Variants in MAMDC2 observed in about 807,000 individuals in gnomAD.
MAMDC2 encodes MAM domain containing 2.
In MAMDC2, 57 loss-of-function variants were observed where a neutral mutation model predicts 89.8. The ratio of observed to expected loss-of-function variants is 0.63; its 90% CI spans 0.51 to 0.79. MAMDC2 has a LOEUF of 0.79. Ranked by LOEUF, MAMDC2 falls within the 30% of genes least tolerant of loss-of-function variation. MAMDC2 has a pLI of 0.00. For synonymous variants in MAMDC2, 313 were observed against 293.4 expected (o/e 1.07, Z -0.68); for missense variants, 800 against 820.6 (o/e 0.97, Z 0.31).
At chr9:70,065,151 T>C (rs1381393907) in intron 2 of MAMDC2, among the ~76,000 whole-genome samples, 1 of 152,136 alleles carries the variant, frequency 6.6e-6, no homozygotes, top group East Asian at 1.9e-4. Context: ...CCAAAAACCA[T>C]GTGTATCGGT....
rs773687494 is a variant in MAMDC2, at chr9:70,221,818, GGAA to G, written c.1911+3230_1911+3232del. On this transcript the variant is annotated intron_variant, in intron 12 of 13. Transcript: ENST00000377182. ...ATTAAGAAGAGGAAGGAAAATAAGA[GGAA>G]GAAGAAGTCAAGTTGATCAAGTGGT... 1.6e-4 allele frequency among the ~76,000 whole-genome samples: 25 copies of G among 151,982 alleles called. No individual in the cohort carries two copies. In the East Asian group the frequency reaches 3.7e-3, roughly 22 times the overall value.
At chr9:70,198,279 A>G (rs778982987) in intron 11 of MAMDC2, among the ~76,000 whole-genome samples, 2 of 151,820 alleles carry the variant, frequency 1.3e-5, no homozygotes, top group Non-Finnish European at 2.9e-5. Flanking sequence ...ACAGTTTGGT[A>G]CTATCCACAA....
intron 11 of MAMDC2, among the ~76,000 whole-genome samples, chr9:70,208,086 TTTGGCTTAGGATTGCG>T (rs1385025751): frequency 1.3e-5 from 2 of 152,202 alleles, no homozygotes; most frequent in African/African-American, 4.8e-5. Flanking sequence ...GCTTTGTTCT[TTTGGCTTAGGATTGCG>T]TTGGCACTGA....
intron 5 of MAMDC2, among the ~76,000 whole-genome samples, chr9:70,115,922 C>T: frequency 6.6e-6 from 1 of 152,166 alleles, no homozygotes; most frequent in East Asian, 1.9e-4. Flanking sequence ...AAAGAAAAGC[C>T]AGATGACTTT....
rs115255819 is a variant in MAMDC2, at chr9:70,074,253, A to T, written c.148+29556A>T. Among the ~76,000 whole-genome samples the T allele has an allele frequency of 1.5e-3, 235 of 152,288 alleles. 1 individual carries two copies. Among genetic ancestry groups the T allele is most frequent in the African/African-American group, 5.4e-3 (226 of 41,556 alleles). ...GGCAAGAAGATGGAAAGTAAAGATA[A>T]TTTTTAAGGGCATTTCCTACAAGAT... is the stretch of plus-strand genomic sequence containing the variant. On this transcript the variant is annotated intron_variant, in intron 2 of 13. Coordinates refer to ENST00000377182, the MANE Select transcript of MAMDC2 (RefSeq NM_153267.5).
chr9:70,213,879 A>G (rs2118675439), intron 11 of MAMDC2, among the ~76,000 whole-genome samples: 1 of 152,330 alleles, frequency 6.6e-6, no homozygotes, highest in East Asian at 1.9e-4. Context: ...TTGGATCATC[A>G]TAGTCAAGTG....
At chr9:70,186,643 T>A (rs1478451922) in intron 11 of MAMDC2, among the ~76,000 whole-genome samples, 1 of 152,228 alleles carries the variant, frequency 6.6e-6, no homozygotes, top group Non-Finnish European at 1.5e-5. Flanking sequence ...ATTTGTCCAC[T>A]TTGCATTGTT....
chr9:70,208,476 T>C lies in MAMDC2; in HGVS notation c.1652-9861T>C, dbSNP rs190527474. Among the ~76,000 whole-genome samples, 970 of 152,322 alleles carry C rather than the reference T, an allele frequency of 6.4e-3. 6 individuals carry two copies. Among genetic ancestry groups the C allele is most frequent in the Non-Finnish European group, 0.01 (681 of 68,020 alleles). ...TAGGAATGCTTGTGATTTTTGCACA[T>C]TGATTTTGTATCCTGAGACTTTGCT... On this transcript the variant is annotated intron_variant, in intron 11 of 13. Transcript: ENST00000377182.
chr9:70,113,246 G>C, intron 5 of MAMDC2, 114 bp downstream of exon 5: 1 of 1,241,306 alleles, frequency 8.1e-7, no homozygotes, highest in South Asian at 1.4e-5. Context: ...GAGGAGGGAG[G>C]AGGGTGAGTA....
intron 11 of MAMDC2, chr9:70,194,140 T>A (rs1370058575): frequency 6.6e-6 from 1 of 152,134 alleles, no homozygotes; most frequent in Non-Finnish European, 1.5e-5. Context: ...CAGCATGGTA[T>A]GGAAAGACCA....
At chr9:70,058,272 T>G (rs1229558291) in intron 2 of MAMDC2, among the ~76,000 whole-genome samples, 1 of 152,210 alleles carries the variant, frequency 6.6e-6, no homozygotes, top group East Asian at 1.9e-4. Flanking sequence ...TTAGAATTTT[T>G]TTAACATTCC....
chr9:70,091,383 C>T (rs546221847), intron 2 of MAMDC2, among the ~76,000 whole-genome samples: 116 of 152,234 alleles, frequency 7.6e-4, no homozygotes, highest in African/African-American at 2.8e-3. Flanking sequence ...GGAGAGAAGG[C>T]AGGAGCCACA....
At chr9:70,192,988 C>A (rs1241265822) in intron 11 of MAMDC2, among the ~76,000 whole-genome samples, 1 of 151,974 alleles carries the variant, frequency 6.6e-6, no homozygotes, top group Non-Finnish European at 1.5e-5. Flanking sequence ...AGGATGAGGA[C>A]CCTTACATTG....
intron 9 of MAMDC2, among the ~76,000 whole-genome samples, chr9:70,146,777 A>T (rs1384393239): frequency 6.6e-6 from 1 of 151,510 alleles, no homozygotes; most frequent in East Asian, 1.9e-4. Context: ...TACTAAAAAA[A>T]TACAAAAATT....
intron 2 of MAMDC2, among the ~76,000 whole-genome samples, chr9:70,056,605 C>T (rs1359536462): frequency 1.3e-5 from 2 of 152,128 alleles, no homozygotes; most frequent in Non-Finnish European, 2.9e-5. Flanking sequence ...ATTGTATTGG[C>T]ACGCGGCGTG....
chr9:70,079,586 C>A (rs950445009), intron 2 of MAMDC2, among the ~76,000 whole-genome samples: 1 of 152,134 alleles, frequency 6.6e-6, no homozygotes, highest in Non-Finnish European at 1.5e-5. Flanking sequence ...TTCTGGTCAG[C>A]CTCCATGAGT....
Position 70,077,965 on chromosome 9 carries a change from A to G in MAMDC2, c.149-30246A>G, listed in dbSNP as rs146095029. ...AGGTAAGAAAATTTCATTTGTATGT[A>G]TGTGTCCCTTGAAACTCAGAATCAA... On this transcript the variant is annotated intron_variant, in intron 2 of 13. Transcript: ENST00000377182. Among the ~76,000 whole-genome samples, 14 of 152,308 alleles carry G rather than the reference A, an allele frequency of 9.2e-5. No homozygotes were observed. The East Asian group carries it at 2.3e-3, about 25-fold the overall frequency.
chr9:70,173,570 GT>G (rs1356989944), intron 11 of MAMDC2, among the ~76,000 whole-genome samples: 4 of 152,160 alleles, frequency 2.6e-5, no homozygotes, highest in African/African-American at 9.7e-5. Flanking sequence ...TTATGTGTAT[GT>G]GTATTTTTCT....
At chr9:70,140,652 G>A (rs1368880566) in intron 8 of MAMDC2, among the ~76,000 whole-genome samples, 14 of 152,150 alleles carry the variant, frequency 9.2e-5, no homozygotes, top group Non-Finnish European at 1.9e-4. Context: ...CCGTGGCAGA[G>A]GGAATAAGAG....
Sources: allele counts gnomAD v4.1 joint callset (sites outside exome capture counted in the v4.1 genomes callset), GRCh38; gene constraint gnomAD v4.1.1; transcripts MANE v1.5; gene names NCBI Gene and HGNC (gene_info 2026-07-23, HGNC 2026-07-21).